Variants in ANKRD26 observed in about 807,000 individuals in gnomAD.
ANKRD26 encodes ankyrin repeat domain 26.
In ANKRD26, 141 loss-of-function variants were observed where a neutral mutation model predicts 208.7. That is an observed-to-expected ratio of 0.68 (90% confidence interval 0.59 to 0.78). The LOEUF (loss-of-function observed/expected upper bound fraction) is 0.78, where lower values mean the gene tolerates loss of function less well. ANKRD26 is among the 30% of genes least tolerant of loss of function. The pLI, the probability that ANKRD26 is intolerant of heterozygous loss-of-function variation, is 0.00. For synonymous variants in ANKRD26, 636 were observed against 660.4 expected (o/e 0.96, Z 0.57); for missense variants, 1,889 against 1,938.7 (o/e 0.97, Z 0.48).
At chr10:27,033,606 C>T (rs1469722845) in intron 24 of ANKRD26, among the ~76,000 whole-genome samples, 1 of 152,126 alleles carries the variant, frequency 6.6e-6, no homozygotes, top group Non-Finnish European at 1.5e-5. Flanking sequence ...GTTACTTAAA[C>T]AACAGATTCA....
intron 6 of ANKRD26, 119 bp downstream of exon 6, chr10:27,082,684 C>A: frequency 7.2e-7 from 1 of 1,390,714 alleles, no homozygotes; most frequent in Admixed American, 2.7e-5. Flanking sequence ...CTTTGCAAAG[C>A]TGTTGGGACG....
chr10:27,044,041 G>A lies in ANKRD26; in HGVS notation c.2019+116C>T, dbSNP rs1040749175. The stretch of plus-strand genomic sequence containing the variant: ...ATTCCTGGAGTCAAGCAATCCTCCC[G>A]CTTTAGCCTTCCAAAGTGCTGAGAT... On this transcript the variant is annotated intron_variant, in intron 19 of 33. Transcript: ENST00000376087. 6.2e-5 allele frequency: 47 copies of A among 761,200 alleles called. No individual in the cohort carries two copies. In the African/African-American group the frequency reaches 7.6e-4, roughly 12 times the overall value. The allele number at this position is 761,200 out of a possible 1,614,324, so 47.2% of individuals were successfully genotyped here. A position where few individuals can be genotyped will look rare whatever the true frequency, so the allele number is the denominator to read the frequency against.
At chr10:27,020,825 AT>A (rs1231569533) in intron 29 of ANKRD26, among the ~76,000 whole-genome samples, 2 of 152,058 alleles carry the variant, frequency 1.3e-5, no homozygotes, top group Non-Finnish European at 2.9e-5. Flanking sequence ...TGTCCAGCTA[AT>A]TTTTTTGTAT....
At chr10:27,071,691 C>T (rs1054960093) in intron 9 of ANKRD26, among the ~76,000 whole-genome samples, 2 of 152,010 alleles carry the variant, frequency 1.3e-5, no homozygotes, top group African/African-American at 4.8e-5. Flanking sequence ...AAAGAACAGG[C>T]GGGCAGCAGT....
chr10:27,040,381 G>A (rs186366375), intron 20 of ANKRD26, among the ~76,000 whole-genome samples: 1 of 152,240 alleles, frequency 6.6e-6, no homozygotes, highest in Admixed American at 6.5e-5. Flanking sequence ...GACAAAAAAA[G>A]TGACAAAATA....
chr10:26,949,437 A>AGTCC, the ANKRD26 span, among the ~76,000 whole-genome samples: 3 of 151,782 alleles, frequency 2.0e-5, no homozygotes, highest in African/African-American at 4.8e-5. Context: ...CACATTATTC[A>AGTCC]GTTTTCAAGA....
At chr10:27,012,412 A>C in intron 32 of ANKRD26, among the ~76,000 whole-genome samples, 1 of 152,142 alleles carries the variant, frequency 6.6e-6, no homozygotes, top group East Asian at 1.9e-4. Context: ...AAAAAAACTA[A>C]AATTTCTGTT....
At chr10:27,028,198 G>A (rs966152937) in intron 27 of ANKRD26, among the ~76,000 whole-genome samples, 17 of 152,098 alleles carry the variant, frequency 1.1e-4, no homozygotes, top group Admixed American at 1.1e-3. Context: ...TCTTGAGTGT[G>A]GACAGGATGT....
chr10:27,058,417 A>G (rs2054918852), intron 15 of ANKRD26, among the ~76,000 whole-genome samples: 1 of 152,226 alleles, frequency 6.6e-6, no homozygotes, highest in Non-Finnish European at 1.5e-5. Flanking sequence ...TTCATGGGTC[A>G]TAGCTCTAAA....
intron 27 of ANKRD26, among the ~76,000 whole-genome samples, chr10:27,027,533 C>A (rs1179054396): frequency 3.9e-5 from 6 of 152,082 alleles, no homozygotes; most frequent in Non-Finnish European, 8.8e-5. Context: ...GATGAGTGAA[C>A]AAACAAAATG....
At chr10:27,074,384 C>T (rs2055614228) in intron 9 of ANKRD26, among the ~76,000 whole-genome samples, 1 of 152,136 alleles carries the variant, frequency 6.6e-6, no homozygotes, top group South Asian at 2.1e-4. Context: ...TAGGGAACTA[C>T]AAAATGTAGT....
chr10:27,088,162 T>C (rs1245723499), intron 4 of ANKRD26, among the ~76,000 whole-genome samples: 1 of 152,160 alleles, frequency 6.6e-6, no homozygotes, highest in East Asian at 1.9e-4. Flanking sequence ...TAACAACATA[T>C]TTGCACGTAA....
chr10:27,006,652 T>C (rs1589197815), intron 33 of ANKRD26, among the ~76,000 whole-genome samples: 2 of 152,232 alleles, frequency 1.3e-5, no homozygotes, highest in Non-Finnish European at 2.9e-5. Flanking sequence ...GTGAAGAAAG[T>C]GTAGAGCCGG....
At chr10:27,093,308 G>T (rs56325123) in intron 3 of ANKRD26, 41 bp downstream of exon 3, 8 of 1,573,058 alleles carry the variant, frequency 5.1e-6, no homozygotes, top group Non-Finnish European at 7.0e-6. Context: ...TGAAACAAAC[G>T]CATTTCAAAT....
intron 18 of ANKRD26, 57 bp from the exon 19 acceptor site, chr10:27,044,247 T>C: frequency 7.5e-7 from 1 of 1,333,454 alleles, no homozygotes; most frequent in South Asian, 1.3e-5. Context: ...GCAAGGAATA[T>C]CTAAAACTAT....
rs868628112 is a variant in ANKRD26 at position 27,067,083 on chromosome 10, A to C, written c.1207+74T>G. 54 of 1,540,150 alleles carry C rather than the reference A, an allele frequency of 3.5e-5. No individual in the cohort carries two copies. The African/African-American group carries it at 5.8e-4, about 17-fold the overall frequency. Reference sequence around the variant, plus strand: ...CAGCCTCCCAAAGTGCTGGGATCACAGGTGTGAGCCACATCTGGACCCCAG... The same window carrying C: ...CAGCCTCCCAAAGTGCTGGGATCACCGGTGTGAGCCACATCTGGACCCCAG... On this transcript the variant is annotated intron_variant, in intron 10 of 33. Coordinates refer to ENST00000376087, the MANE Select transcript of ANKRD26 (RefSeq NM_014915.3).
At chr10:27,066,389 T>C in intron 11 of ANKRD26, 98 bp downstream of exon 11, 2 of 803,352 alleles carry the variant, frequency 2.5e-6, no homozygotes, top group South Asian at 3.3e-5. Context: ...CTTATGGATG[T>C]ATGCAGAGGT....
chr10:27,052,433 T>C (rs146687690), intron 16 of ANKRD26, among the ~76,000 whole-genome samples: 3 of 152,250 alleles, frequency 2.0e-5, no homozygotes, highest in African/African-American at 7.2e-5. Context: ...TACCTTACCA[T>C]ACCTCAAATA....
Position 27,006,909 on chromosome 10 carries a change from C to A in ANKRD26, c.4999+8G>T. On this transcript the variant is annotated splice_region_variant and intron_variant, in intron 33 of 33. Coordinates refer to ENST00000376087, the MANE Select transcript of ANKRD26 (RefSeq NM_014915.3). ...TCTAAATTTAATTCATGAAGTTTGG[C>A]AACATACCTTCTTTGAGTTCTCTAG... 6.2e-7 allele frequency: 1 copy of A among 1,604,772 alleles called. No homozygotes were observed. The highest frequency in any genetic ancestry group is 8.5e-7 in the Non-Finnish European group (1 of 1,172,684).
Sources: allele counts gnomAD v4.1 joint callset (sites outside exome capture counted in the v4.1 genomes callset), GRCh38; gene constraint gnomAD v4.1.1; transcripts MANE v1.5; gene names NCBI Gene and HGNC (gene_info 2026-07-23, HGNC 2026-07-21).